The following NTF4 variants were observed in gnomAD, a reference collection of about 807,000 sequenced individuals.
NTF4 encodes the protein neurotrophin-4.
Under a neutral mutation model 4.4 loss-of-function variants are expected in NTF4, and 2 were observed. That is an observed-to-expected ratio of 0.46 (90% confidence interval 0.19 to 1.44). The LOEUF is 1.44. Ranked by LOEUF, NTF4 falls within the 40% of genes most tolerant of loss-of-function variation. The probability of loss-of-function intolerance (pLI) is 0.26; values close to 1 mark genes in which losing one functional copy is unlikely to be tolerated. For synonymous variants in NTF4, 127 were observed against 122.0 expected, an observed-to-expected ratio of 1.04 and a Z score of -0.27; for missense variants, 260 against 293.0, an observed-to-expected ratio of 0.89 and a Z score of 0.82.
upstream of NTF4, among the ~76,000 whole-genome samples, chr19:49,063,505 G>T (rs546087656): frequency 3.7e-4 from 56 of 152,082 alleles, no homozygotes; most frequent in African/African-American, 1.2e-3. Flanking sequence ...TTAGAGAAAG[G>T]TCACAACCTG....
At chr19:49,060,484 A>C (rs2040118451), downstream of NTF4, 2 of 152,148 alleles carry the variant, frequency 1.3e-5, no homozygotes, top group African/African-American at 4.8e-5. Flanking sequence ...GGCATCCGCC[A>C]CCACGACCAG....
rs369484075 is a variant in NTF4, at chr19:49,061,619, C to A, written c.379G>T (p.Ala127Ser). Residue 127 changes from alanine to serine, a missense_variant, in exon 1 of 1, where the codon GCT becomes TCT. By Grantham distance (99) the Ala-to-Ser change is moderately conservative. Transcript: ENST00000593537. This position sits in a 1 kb window ranked among gnomAD's most constrained non-coding sequence, Gnocchi z 4.9. ...TACTGGCGGAGGGGACTGCCGCCAG[C>A]TGCAGGCACCTCGCCCAACACCTCC... 9 of 1,613,844 alleles carry A rather than the reference C, an allele frequency of 5.6e-6. No homozygotes were observed. In the African/African-American group the frequency reaches 1.2e-4, roughly 22 times the overall value.
downstream of NTF4, among the ~76,000 whole-genome samples, chr19:49,060,066 A>AAAAAAAAAAAAAAAAAAAAAT: frequency 6.8e-6 from 1 of 147,008 alleles, no homozygotes; most frequent in African/African-American, 2.5e-5. Flanking sequence ...AAAAAAAAAA[A>AAAAAAAAAAAAAAAAAAAAAT]AAAGCTTTTG....
chr19:49,061,140 T>G lies in NTF4; in HGVS notation c.*225A>C. ...AACACTCAGTAAATAGTGGCTATTA[T>G]TATTATATCATCATCATTATTACCC... On this transcript the variant is annotated 3_prime_UTR_variant, in exon 1 of 1. Coordinates refer to ENST00000593537, the Ensembl canonical transcript of NTF4. This position sits in a 1 kb window ranked among gnomAD's most constrained non-coding sequence, Gnocchi z 4.9. 1 of 691,826 alleles carries G rather than the reference T, an allele frequency of 1.4e-6. No homozygotes were observed. The highest frequency in any genetic ancestry group is 2.8e-5 in the East Asian group (1 of 35,322). The allele number at this position is 691,826 out of a possible 1,614,324, so 42.9% of individuals were successfully genotyped here.
At chr19:49,058,714 A>G (rs958845895), downstream of NTF4, 3 of 204,734 alleles carry the variant, frequency 1.5e-5, no homozygotes, top group Non-Finnish European at 2.0e-5. Context: ...TCTCGGTTGC[A>G]GAGATGAAAG....
At chr19:49,064,773 G>A (rs1204724363), upstream of NTF4, 6 of 152,432 alleles carry the variant, frequency 3.9e-5, no homozygotes, top group Non-Finnish European at 8.8e-5. Flanking sequence ...TTTGGGTTGG[G>A]GGTTCCGGAC....
At position 49,061,858 on chromosome 19, in the gene NTF4, A is replaced by G; in HGVS notation, c.140T>C (p.Val47Ala). 1 of 1,546,326 alleles carries G rather than the reference A, an allele frequency of 6.5e-7. No homozygotes were observed. The highest frequency in any genetic ancestry group is 8.7e-7 in the Non-Finnish European group (1 of 1,143,542). The change falls in exon 1 of 1, where the codon GTC becomes GCC. Residue 47 changes from valine (V) to alanine (A), a missense_variant. Physicochemically the swap from Val to Ala is moderately conservative, Grantham distance 64. Transcript: ENST00000593537. This position sits in a 1 kb window ranked among gnomAD's most constrained non-coding sequence, Gnocchi z 4.9. Reference sequence around the variant, plus strand: ...CCCAGCAGGGGCACCCCTAGACAGGACTACTCGGGGGGAGAGAAGGTCCCA... The same window carrying G: ...CCCAGCAGGGGCACCCCTAGACAGGGCTACTCGGGGGGAGAGAAGGTCCCA...
chr19:49,063,569 G>A (rs1253636143), upstream of NTF4, among the ~76,000 whole-genome samples: 1 of 152,128 alleles, frequency 6.6e-6, no homozygotes, highest in African/African-American at 2.4e-5. Flanking sequence ...GAGGTAAAAC[G>A]CTGCCCCTCT....
rs1427024073 is a variant in NTF4, at chr19:49,061,285, C to A, written c.*80G>T. 3.8e-6 allele frequency: 6 copies of A among 1,593,724 alleles called. No individual in the cohort carries two copies. The highest frequency in any genetic ancestry group is 5.1e-6 in the Non-Finnish European group (6 of 1,174,520). On this transcript the variant is annotated 3_prime_UTR_variant, in exon 1 of 1. Coordinates refer to ENST00000593537, the Ensembl canonical transcript of NTF4. The surrounding 1 kb of genome is among the most constrained non-coding windows in gnomAD (Gnocchi z 4.9). Reference sequence around the variant, plus strand: ...ATTTTGTGATTATTTGATGAGTTCCCAAACTGGGGTCCTTAGATCAGCTGG... The same window carrying A: ...ATTTTGTGATTATTTGATGAGTTCCAAAACTGGGGTCCTTAGATCAGCTGG...
rs371058489 is a variant in NTF4, at chr19:49,061,667, C to T, written c.331G>A (p.Val111Met). The T allele has an allele frequency of 1.3e-5, 21 of 1,613,478 alleles. No homozygotes were observed. Among genetic ancestry groups the T allele is most frequent in the Non-Finnish European group, 1.7e-5 (20 of 1,179,898 alleles). The change falls in exon 1 of 1, where the codon GTG (valine) becomes ATG (methionine). Residue 111 changes from valine (V) to methionine (M), a missense_variant. Coordinates refer to ENST00000593537, the Ensembl canonical transcript of NTF4. This position sits in a 1 kb window ranked among gnomAD's most constrained non-coding sequence, Gnocchi z 4.9. ...TCCACCTCGCGCCCACGCAAGTCCA[C>T]AGCGGTCCGGCGGTCTGTCACCCAG... is the stretch of plus-strand genomic sequence containing the variant.
rs373941167 is a variant in NTF4 at position 49,061,632 on chromosome 19, G to A, written c.366C>T (p.Gly122=). 5.1e-5 allele frequency: 82 copies of A among 1,613,722 alleles called. No individual in the cohort carries two copies. Among genetic ancestry groups the A allele is most frequent in the African/African-American group, 1.1e-4 (8 of 74,924 alleles). ...GACTGCCGCCAGCTGCAGGCACCTC[G>A]CCCAACACCTCCACCTCGCGCCCAC... is the stretch of plus-strand genomic sequence containing the variant. The change falls in exon 1 of 1, where the codon GGC becomes GGT. Residue 122 remains glycine, a synonymous_variant. Coordinates refer to ENST00000593537, the Ensembl canonical transcript of NTF4. This position sits in a 1 kb window ranked among gnomAD's most constrained non-coding sequence, Gnocchi z 4.9.
rs2040154137 is a variant in NTF4, at chr19:49,061,923, T to C, written c.75A>G (p.Gln25=). The change falls in exon 1 of 1, where the codon CAA becomes CAG. Residue 25 remains glutamine (Q), a synonymous_variant. Coordinates refer to ENST00000593537, the Ensembl canonical transcript of NTF4. The surrounding 1 kb of genome is among the most constrained non-coding windows in gnomAD (Gnocchi z 4.9). ...AAGGGGGCAATGTTGAGGGTGGGGG[T>C]TGGGACTCAATTGGCACACTGGGGA... is the stretch of plus-strand genomic sequence containing the variant. 2 of 1,521,544 alleles carry C rather than the reference T, an allele frequency of 1.3e-6. No homozygotes were observed. The highest frequency in any genetic ancestry group is 2.5e-5 in the East Asian group (1 of 40,204). 94.3% of individuals were successfully genotyped at this position (1,521,544 alleles called of 1,614,324 possible).
chr19:49,063,596 T>G (rs1037735105), upstream of NTF4: 1 of 152,164 alleles, frequency 6.6e-6, no homozygotes, highest in African/African-American at 2.4e-5. Context: ...GGCTTCAGTT[T>G]CCCTGTGTGT....
At chr19:49,059,771 G>T (rs1469798599), downstream of NTF4, among the ~76,000 whole-genome samples, 1 of 152,070 alleles carries the variant, frequency 6.6e-6, no homozygotes, top group Non-Finnish European at 1.5e-5. Context: ...TTGATCACCG[G>T]GCGCAGTGGC....
chr19:49,058,601 G>A (rs531031406), downstream of NTF4: 2 of 461,092 alleles, frequency 4.3e-6, no homozygotes, highest in East Asian at 3.5e-5. Flanking sequence ...TTCAGCCTAG[G>A]GTCTGCCCAC....
downstream of NTF4, chr19:49,061,039 TAACACC>T (rs2122219786): frequency 5.3e-6 from 2 of 376,170 alleles, no homozygotes; most frequent in South Asian, 5.3e-5. This position sits in a 1 kb window ranked among gnomAD's most constrained non-coding sequence, Gnocchi z 4.9. Flanking sequence ...GTCAGCAACT[TAACACC>T]AAGGGCCACC....
At chr19:49,062,950 C>T (rs1445534996), upstream of NTF4, among the ~76,000 whole-genome samples, 1 of 152,174 alleles carries the variant, frequency 6.6e-6, no homozygotes, top group African/African-American at 2.4e-5. Flanking sequence ...CTGCACTCTG[C>T]CGTCCTTCCT....
chr19:49,058,708 G>A (rs76142608), downstream of NTF4: 15,041 of 214,458 alleles, frequency 0.07, 779 homozygotes, highest in Non-Finnish European at 0.1. Flanking sequence ...CAGGCATCTC[G>A]GTTGCAGAGA....
In NTF4 at chr19:49,061,562, C is replaced by T. The variant is rs140946623; in HGVS notation, c.436G>A (p.Ala146Thr). 4 of 1,614,060 alleles carry T rather than the reference C, an allele frequency of 2.5e-6. No individual in the cohort carries two copies. The highest frequency in any genetic ancestry group is 1.1e-5 in the South Asian group (1 of 91,094). Residue 146 changes from alanine to threonine, a missense_variant, in exon 1 of 1, where the codon GCT (alanine) becomes ACT (threonine). Transcript: ENST00000593537. The surrounding 1 kb of genome is among the most constrained non-coding windows in gnomAD (Gnocchi z 4.9). ...CCTGCCCCCGGGCCACCTTCCTCAG[C>T]GTTATCAGCCTTGCAGCGGGTTTCA... is the stretch of plus-strand genomic sequence containing the variant.
Sources: gnomAD v4.1 joint callset for allele counts (sites outside exome capture counted in the v4.1 genomes callset) on GRCh38, gnomAD v4.1.1 for gene constraint, Gnocchi (gnomAD v3.1) non-coding constraint, MANE v1.5 for transcripts, NCBI Gene and HGNC (gene_info 2026-07-23, HGNC 2026-07-21) for gene names.